EIF2AK4: variants seen among roughly 807,000 people sequenced by gnomAD.
EIF2AK4 encodes eIF-2-alpha kinase GCN2.
Under a neutral mutation model 211.1 loss-of-function variants are expected in EIF2AK4, and 139 were observed. That is an observed-to-expected ratio of 0.66 (90% CI 0.57 to 0.76). The LOEUF (loss-of-function observed/expected upper bound fraction) is 0.76, where lower values mean the gene tolerates loss of function less well. Ranked by LOEUF, EIF2AK4 falls within the 30% of genes least tolerant of loss-of-function variation. The pLI is 0.00. For synonymous variants in EIF2AK4, 710 were observed against 751.3 expected (o/e 0.94, Z 0.90); for missense variants, 1,664 against 2,043.8 (o/e 0.81, Z 3.58).
In EIF2AK4 at chr15:39,970,981, C is replaced by G. The variant is rs191808847; in HGVS notation, c.1554-1927C>G. ...CCATTTATGATAGTTGCTGTCACCA[C>G]TTTGTATGTATAGATTTTTAAGTCC... is the stretch of plus-strand genomic sequence containing the variant. On this transcript the variant is annotated intron_variant, in intron 9 of 38. Coordinates refer to ENST00000263791, the MANE Select transcript of EIF2AK4 (RefSeq NM_001013703.4). Among the ~76,000 whole-genome samples, 369 of 152,290 alleles carry G rather than the reference C, an allele frequency of 2.4e-3. 1 individual carries two copies. Among genetic ancestry groups the G allele is most frequent in the African/African-American group, 8.4e-3 (347 of 41,556 alleles).
chr15:40,011,220 T>C, intron 26 of EIF2AK4, 61 bp from the exon 27 acceptor site: 1 of 1,390,310 alleles, frequency 7.2e-7, no homozygotes. Context: ...CGCCTGGAAA[T>C]TGTGTCTTGT....
chr15:39,961,942 A>T, intron 7 of EIF2AK4, 43 bp downstream of exon 7: 1 of 1,488,884 alleles, frequency 6.7e-7, no homozygotes, highest in East Asian at 2.3e-5. Context: ...TGTAATGGCA[A>T]AAGTTAATCA....
At chr15:40,025,863 T>A (rs1363704159) in intron 32 of EIF2AK4, 114 bp from the exon 33 acceptor site, 10 of 1,011,822 alleles carry the variant, frequency 9.9e-6, no homozygotes, top group Non-Finnish European at 1.4e-5. Flanking sequence ...AAATTGACCC[T>A]GGTTAAGAAC....
At chr15:40,008,326 C>A in intron 25 of EIF2AK4, 131 bp downstream of exon 25, 1 of 825,208 alleles carries the variant, frequency 1.2e-6, no homozygotes, top group Non-Finnish European at 1.8e-6. Context: ...ACTAAAGTAA[C>A]TGAGAAGAGC....
chr15:39,967,222 T>C, intron 8 of EIF2AK4, 122 bp from the exon 9 acceptor site: 3 of 1,110,646 alleles, frequency 2.7e-6, no homozygotes, highest in South Asian at 3.6e-5. Flanking sequence ...TACTTCACTT[T>C]TGGTTTTGGT....
chr15:39,997,387 T>C lies in EIF2AK4; in HGVS notation c.2868+322T>C, dbSNP rs184269137. ...AGTGAGGTAAATGGAACCCTACCTC[T>C]GATGATGGGAAACTTGCCCCAGTTT... On this transcript the variant is annotated intron_variant, in intron 19 of 38. Transcript: ENST00000263791. 2.1e-3 allele frequency among the ~76,000 whole-genome samples: 322 copies of C among 152,358 alleles called. 3 individuals are homozygous for C. The highest frequency in any genetic ancestry group is 0.016 in the Admixed American group (245 of 15,298).
intron 18 of EIF2AK4, among the ~76,000 whole-genome samples, chr15:39,996,002 A>G (rs1595417305): frequency 1.3e-5 from 2 of 151,588 alleles, no homozygotes; most frequent in African/African-American, 4.9e-5. Flanking sequence ...TTTGACCAGC[A>G]CCTCCCCTTG....
At chr15:39,976,882 C>T in intron 12 of EIF2AK4, 38 bp downstream of exon 12, 2 of 1,426,872 alleles carry the variant, frequency 1.4e-6, no homozygotes, top group East Asian at 2.8e-5. Flanking sequence ...TCTGATGCGC[C>T]CCCTAGTTTC....
intron 6 of EIF2AK4, among the ~76,000 whole-genome samples, chr15:39,958,941 G>A (rs1020335363): frequency 6.6e-6 from 1 of 150,490 alleles, no homozygotes; most frequent in Non-Finnish European, 1.5e-5. Context: ...TCTTTTTTCA[G>A]GTATCAAGCT....
intron 3 of EIF2AK4, among the ~76,000 whole-genome samples, chr15:39,945,849 C>G: frequency 6.6e-6 from 1 of 152,192 alleles, no homozygotes; most frequent in African/African-American, 2.4e-5. Flanking sequence ...GCTAAATCTC[C>G]TTTGCCTGTG....
At chr15:39,945,909 A>T in intron 3 of EIF2AK4, among the ~76,000 whole-genome samples, 1 of 152,208 alleles carries the variant, frequency 6.6e-6, no homozygotes, top group East Asian at 1.9e-4. Flanking sequence ...CTGTTACAGC[A>T]GGGTTTACTG....
chr15:39,966,105 C>G (rs1055544296), intron 8 of EIF2AK4, among the ~76,000 whole-genome samples: 1 of 152,188 alleles, frequency 6.6e-6, no homozygotes, highest in Admixed American at 6.5e-5. Flanking sequence ...TAACAGTCAT[C>G]TTTCCAACTG....
Position 40,002,699 on chromosome 15 carries a change from C to T in EIF2AK4, c.3160-14C>T, listed in dbSNP as rs1484718290. The stretch of plus-strand genomic sequence containing the variant: ...AAGGCTTCAATGATGATGTTTTAAT[C>T]GGTCCTGTTTTAGGGCAACTTCTCA... On this transcript the variant is annotated splice_polypyrimidine_tract_variant and intron_variant, in intron 21 of 38. Transcript: ENST00000263791. 14 of 1,613,648 alleles carry T rather than the reference C, an allele frequency of 8.7e-6. No individual in the cohort carries two copies. The highest frequency in any genetic ancestry group is 6.7e-5 in the East Asian group (3 of 44,890).
intron 27 of EIF2AK4, among the ~76,000 whole-genome samples, chr15:40,013,603 G>A (rs976987203): frequency 2.6e-5 from 4 of 152,066 alleles, no homozygotes; most frequent in Admixed American, 6.6e-5. Context: ...CTTGTGCAGA[G>A]GAACTCCTCT....
At chr15:39,947,658 A>G (rs777170659) in intron 3 of EIF2AK4, among the ~76,000 whole-genome samples, 19 of 152,218 alleles carry the variant, frequency 1.2e-4, no homozygotes, top group Non-Finnish European at 1.9e-4. Context: ...TCAGGCAGTT[A>G]TAAGTGCCAT....
At chr15:39,967,936 C>T (rs1211301014) in intron 9 of EIF2AK4, 57 bp downstream of exon 9, 1 of 1,545,366 alleles carries the variant, frequency 6.5e-7, no homozygotes, top group Non-Finnish European at 8.8e-7. Context: ...TTTGATTGTG[C>T]TGGAGTGTGC....
rs758316035 is a variant in EIF2AK4, at chr15:40,035,011, T to A, written c.4893-16T>A. ...TAAACTGAGTCTGTCCTTATATCTT[T>A]TCTTTTCTTTTGCAGGGTGTCTGTG... On this transcript the variant is annotated splice_polypyrimidine_tract_variant and intron_variant, in intron 38 of 38. Coordinates refer to ENST00000263791, the MANE Select transcript of EIF2AK4 (RefSeq NM_001013703.4). The A allele has an allele frequency of 6.4e-7, 1 of 1,552,098 alleles. No individual in the cohort carries two copies. The highest frequency in any genetic ancestry group is 1.8e-5 in the Admixed American group (1 of 55,460).
intron 27 of EIF2AK4, among the ~76,000 whole-genome samples, chr15:40,016,125 C>A (rs538576789): frequency 3.0e-4 from 46 of 152,320 alleles, no homozygotes; most frequent in African/African-American, 1.1e-3. Flanking sequence ...ATTGTCCCCC[C>A]ATGTCTATGC....
chr15:39,982,313 A>C (rs1277306390), intron 13 of EIF2AK4, among the ~76,000 whole-genome samples: 1 of 152,190 alleles, frequency 6.6e-6, no homozygotes, highest in African/African-American at 2.4e-5. Context: ...AATTCCAGTA[A>C]AACTGAACCC....
Sources: gnomAD v4.1 joint callset for allele counts (sites outside exome capture counted in the v4.1 genomes callset) on GRCh38, gnomAD v4.1.1 for gene constraint, MANE v1.5 for transcripts, NCBI Gene and HGNC (gene_info 2026-07-23, HGNC 2026-07-21) for gene names.